MACF1: variants seen among roughly 807,000 people sequenced by gnomAD.
The protein encoded by MACF1 is microtubule-actin cross-linking factor 1.
Under a neutral mutation model 854.8 loss-of-function variants are expected in MACF1, and 193 were observed. The ratio of observed to expected loss-of-function variants is 0.23; its 90% confidence interval spans 0.20 to 0.25. The LOEUF is 0.25. Ranked by LOEUF, MACF1 falls within the 10% of genes least tolerant of loss-of-function variation. The pLI, the probability that MACF1 is intolerant of heterozygous loss-of-function variation, is 1.00. For missense variants in MACF1, 7,722 were observed against 8,929.1 expected, an observed-to-expected ratio of 0.86 and a Z score of 5.45; for synonymous variants, 3,185 against 3,226.7, an observed-to-expected ratio of 0.99 and a Z score of 0.44.
chr1:39,452,420 G>C lies in MACF1; in HGVS notation c.20613+70G>C, dbSNP rs964364453. 2.7e-6 allele frequency: 4 copies of C among 1,456,820 alleles called. No individual in the cohort carries two copies. The African/African-American group carries it at 4.2e-5, about 15-fold the overall frequency. 90.2% of individuals were successfully genotyped at this position (1,456,820 alleles called of 1,614,324 possible). On this transcript the variant is annotated intron_variant, in intron 86 of 100. Coordinates refer to ENST00000564288, the MANE Select transcript of MACF1 (RefSeq NM_001394062.1). Reference sequence around the variant, plus strand: ...GGTTTATTTGGTTTTTCTTTTACTAGAATCTGTTCCAGTCAGTCTTGAAAT... The same window carrying C: ...GGTTTATTTGGTTTTTCTTTTACTACAATCTGTTCCAGTCAGTCTTGAAAT...
intron 2 of MACF1, among the ~76,000 whole-genome samples, chr1:39,142,533 A>C (rs1003229764): frequency 2.0e-5 from 3 of 152,138 alleles, no homozygotes; most frequent in Non-Finnish European, 4.4e-5. Flanking sequence ...CCTGAAGAAA[A>C]TATTTGGGGG....
At chr1:39,290,504 G>C (rs1361056717) in intron 15 of MACF1, among the ~76,000 whole-genome samples, 2 of 149,724 alleles carry the variant, frequency 1.3e-5, no homozygotes, top group Admixed American at 6.6e-5. Context: ...GGATAGCTTT[G>C]GTTATTTTGG....
intron 70 of MACF1, 142 bp from the exon 71 acceptor site, chr1:39,437,635 C>T: frequency 1.3e-6 from 1 of 758,568 alleles, no homozygotes; most frequent in South Asian, 1.4e-5. Flanking sequence ...TAACCAAACT[C>T]AACACTTAAT....
At chr1:39,426,230 G>A (rs1209827878) in intron 61 of MACF1, among the ~76,000 whole-genome samples, 1 of 152,156 alleles carries the variant, frequency 6.6e-6, no homozygotes, top group Non-Finnish European at 1.5e-5. Context: ...TTTAGACTTA[G>A]ATTGCCACTT....
rs765672917 is a variant in MACF1, at chr1:39,461,868, A to G, written c.21524-15A>G. The G allele has an allele frequency of 1.9e-6, 3 of 1,593,334 alleles. No homozygotes were observed. Among genetic ancestry groups the G allele is most frequent in the Non-Finnish European group, 2.6e-6 (3 of 1,167,654 alleles). On this transcript the variant is annotated splice_polypyrimidine_tract_variant and intron_variant, in intron 92 of 100. Coordinates refer to ENST00000564288, the MANE Select transcript of MACF1 (RefSeq NM_001394062.1). ...ACCCCTCTTAATGTTTCAAAATATG[A>G]TTCCTTTTCTCCAGAGTTCCCCACC...
chr1:39,257,834 AAAG>A (rs1431040606), intron 5 of MACF1, 99 bp from the exon 6 acceptor site: 3 of 847,244 alleles, frequency 3.5e-6, no homozygotes, highest in Admixed American at 2.2e-5. Flanking sequence ...GTACACCAAA[AAAG>A]AAATCAGTTT....
chr1:39,406,756 A>AAAAAC lies in MACF1; in HGVS notation c.15817-15616_15817-15615insAACAA, dbSNP rs746955922. On this transcript the variant is annotated intron_variant, in intron 58 of 100. Coordinates refer to ENST00000564288, the MANE Select transcript of MACF1 (RefSeq NM_001394062.1). ...TCTCACTCAAAAAAAAAAAAAAAAA[A>AAAAAC]AACATTCTTTATAATAGAATAACCA... is the stretch of plus-strand genomic sequence containing the variant. 4.7e-4 allele frequency among the ~76,000 whole-genome samples: 54 copies of AAAAAC among 116,086 alleles called. 2 individuals are homozygous for AAAAAC. Among genetic ancestry groups the AAAAAC allele is most frequent in the African/African-American group, 2.0e-3 (51 of 26,094 alleles). The allele number at this position is 116,086 out of a possible 152,430, so 76.2% of individuals were successfully genotyped here.
intron 49 of MACF1, 145 bp from the exon 50 acceptor site, chr1:39,368,001 TTG>T: frequency 3.6e-6 from 2 of 560,694 alleles, no homozygotes; most frequent in Non-Finnish European, 2.8e-6. Context: ...AAATGTTTGT[TTG>T]TTTTTTTTAA....
At chr1:39,398,610 G>C (rs550290153) in intron 58 of MACF1, among the ~76,000 whole-genome samples, 2 of 152,316 alleles carry the variant, frequency 1.3e-5, no homozygotes, top group South Asian at 4.1e-4. Flanking sequence ...CCCATGACAA[G>C]TAAGAGTTAA....
intron 2 of MACF1, among the ~76,000 whole-genome samples, chr1:39,153,500 G>C (rs898904964): frequency 1.2e-4 from 19 of 152,172 alleles, no homozygotes; most frequent in African/African-American, 4.6e-4. Flanking sequence ...AAGGCTCAAC[G>C]AGAGTGAGCT....
chr1:39,178,450 T>C, intron 2 of MACF1, among the ~76,000 whole-genome samples: 1 of 152,228 alleles, frequency 6.6e-6, no homozygotes, highest in East Asian at 1.9e-4. Context: ...TGTCCTATCA[T>C]ACTCCTTGAA....
At chr1:39,286,832 T>C (rs2148389003) in intron 14 of MACF1, among the ~76,000 whole-genome samples, 1 of 152,328 alleles carries the variant, frequency 6.6e-6, no homozygotes, top group African/African-American at 2.4e-5. Context: ...TTCCCTCCAG[T>C]TAACACTGTA....
chr1:39,400,684 C>A (rs1025338722), intron 58 of MACF1, among the ~76,000 whole-genome samples: 1 of 151,868 alleles, frequency 6.6e-6, no homozygotes, highest in Non-Finnish European at 1.5e-5. Flanking sequence ...ATTTTTGTAT[C>A]TTTTGTAGAG....
In MACF1 at chr1:39,486,847, A is replaced by G. The variant is rs1403093296; in HGVS notation, c.*1053A>G. 3 of 152,604 alleles carry G rather than the reference A, an allele frequency of 2.0e-5. No individual in the cohort carries two copies. Among genetic ancestry groups the G allele is most frequent in the Non-Finnish European group, 4.4e-5 (3 of 68,032 alleles). 9.5% of individuals were successfully genotyped at this position (152,604 alleles called of 1,614,324 possible). ...GGGCTGTCTGGGGCTCCTGTTTTTT[A>G]GCTGCTGTTCTTCAGCTCCGACCAT... is the stretch of plus-strand genomic sequence containing the variant. On this transcript the variant is annotated 3_prime_UTR_variant, in exon 101 of 101. Coordinates refer to ENST00000564288, the MANE Select transcript of MACF1 (RefSeq NM_001394062.1).
chr1:39,092,836 T>C (rs1397230755), intron 2 of MACF1, among the ~76,000 whole-genome samples: 1 of 151,958 alleles, frequency 6.6e-6, no homozygotes. Flanking sequence ...CAGGCTAGAG[T>C]GCTGTGGTGC....
Position 39,379,286 on chromosome 1 carries a change from A to G in MACF1, c.13360A>G (p.Ser4454Gly). ...GGGAGTACTTCATGAACGCCAGGAAAGCCTTCAGGCTATCCTCAACAGAAT... is the reference window on the plus strand; with the variant it reads ...GGGAGTACTTCATGAACGCCAGGAAGGCCTTCAGGCTATCCTCAACAGAAT... ...LGGVLHERQE[S>G]LQAILNRMEE... The change falls in exon 54 of 101, where the codon AGC becomes GGC. Residue 4454 changes from serine to glycine, a missense_variant. Transcript: ENST00000564288. 2 of 1,613,650 alleles carry G rather than the reference A, an allele frequency of 1.2e-6. No individual in the cohort carries two copies. The highest frequency in any genetic ancestry group is 1.7e-6 in the Non-Finnish European group (2 of 1,179,850).
Position 39,312,725 on chromosome 1 carries a change from T to C in MACF1, c.3270+1725T>C, listed in dbSNP as rs558416033. On this transcript the variant is annotated intron_variant, in intron 26 of 100. Transcript: ENST00000564288. The stretch of plus-strand genomic sequence containing the variant: ...CTGTAATCCCAGCTATTCAAGTGGC[T>C]GAGGTATGAGAATCACTTGAACCCG... Among the ~76,000 whole-genome samples, 3 of 152,214 alleles carry C rather than the reference T, an allele frequency of 2.0e-5. No individual in the cohort carries two copies. In the East Asian group the frequency reaches 5.8e-4, roughly 29 times the overall value.
intron 2 of MACF1, among the ~76,000 whole-genome samples, chr1:39,170,083 T>TC (rs1172179880): frequency 6.6e-6 from 1 of 152,008 alleles, no homozygotes; most frequent in African/African-American, 2.4e-5. Context: ...GCCCAGCCTC[T>TC]CCTTGCCCTT....
At position 39,309,710 on chromosome 1, in the gene MACF1, C is replaced by T. The variant is rs182896343; in HGVS notation, c.2916+14C>T. The T allele has an allele frequency of 2.6e-5, 41 of 1,605,666 alleles. No homozygotes were observed. In the Middle Eastern group the frequency reaches 6.6e-4, roughly 26 times the overall value. The stretch of plus-strand genomic sequence containing the variant: ...AACCTAGAAAAGGTAATTATGAAAA[C>T]CTTACCCCAGGCTTACATTCCATTG... On this transcript the variant is annotated intron_variant, in intron 24 of 100. Transcript: ENST00000564288.
Sources: gnomAD v4.1 joint callset for allele counts (sites outside exome capture counted in the v4.1 genomes callset) on GRCh38, gnomAD v4.1.1 for gene constraint, MANE v1.5 for transcripts, NCBI Gene and HGNC (gene_info 2026-07-23, HGNC 2026-07-21) for gene names.